Variants in CD8B observed in about 807,000 individuals in gnomAD.
CD8B encodes the protein CD8 subunit beta.
A neutral mutation model predicts 24.2 loss-of-function variants in CD8B; 6 were observed. That is an observed-to-expected ratio of 0.25 (90% CI 0.14 to 0.49). The LOEUF is 0.49. Among genes scored for constraint, CD8B ranks in the 20% least tolerant of loss-of-function variants. CD8B has a pLI of 0.98. For missense variants in CD8B, 196 were observed against 271.3 expected, an observed-to-expected ratio of 0.72 and a Z score of 1.95; for synonymous variants, 84 against 108.3, an observed-to-expected ratio of 0.78 and a Z score of 1.39.
rs745986715 is a variant in CD8B at position 86,842,344 on chromosome 2, ACCACTT to A, written c.621-31_621-26del. 4.7e-5 allele frequency: 74 copies of A among 1,563,720 alleles called. No individual in the cohort carries two copies. In the African/African-American group the frequency reaches 9.6e-4, roughly 20 times the overall value. ...TCTGAAAACAACAGCAAGTTGTGAA[ACCACTT>A]ATTTTCAGGCAAACGATATTGAATT... is the stretch of plus-strand genomic sequence containing the variant. On this transcript the variant is annotated intron_variant, in intron 5 of 5. Coordinates refer to ENST00000390655, the MANE Select transcript of CD8B (RefSeq NM_004931.5).
chr2:86,847,626 C>T (rs1474717264), intron 3 of CD8B, among the ~76,000 whole-genome samples: 1 of 152,164 alleles, frequency 6.6e-6, no homozygotes, highest in African/African-American at 2.4e-5. Context: ...AGTGCAGTGG[C>T]GCAATCTTGG....
At chr2:86,850,205 G>A (rs562341630) in intron 3 of CD8B, among the ~76,000 whole-genome samples, 1 of 152,172 alleles carries the variant, frequency 6.6e-6, no homozygotes, top group South Asian at 2.1e-4. Flanking sequence ...AACGTGCTTG[G>A]GTAAGGGGCC....
intron 5 of CD8B, among the ~76,000 whole-genome samples, chr2:86,831,829 C>T (rs1674915368): frequency 6.6e-6 from 1 of 152,098 alleles, no homozygotes; most frequent in South Asian, 2.1e-4. Flanking sequence ...AAATTAAAGA[C>T]TAGGGGCTGG....
downstream of CD8B, among the ~76,000 whole-genome samples, chr2:86,836,994 A>G (rs1454326326): frequency 6.6e-6 from 1 of 152,174 alleles, no homozygotes; most frequent in African/African-American, 2.4e-5. Context: ...CATCTCTACC[A>G]GAAATATAAA....
intron 5 of CD8B, 114 bp downstream of exon 5, chr2:86,844,808 G>A (rs1573513000): frequency 1.4e-5 from 22 of 1,544,864 alleles, no homozygotes; most frequent in South Asian, 7.2e-5. Context: ...ATGCCCGGCC[G>A]AGTCTATGAT....
intron 5 of CD8B, among the ~76,000 whole-genome samples, chr2:86,828,095 G>C (rs1003838093): frequency 2.0e-5 from 3 of 152,154 alleles, no homozygotes; most frequent in African/African-American, 7.2e-5. Flanking sequence ...AAAATGGCAA[G>C]AGTACGTACT....
At chr2:86,854,266 G>C (rs1676120651) in intron 2 of CD8B, among the ~76,000 whole-genome samples, 1 of 152,104 alleles carries the variant, frequency 6.6e-6, no homozygotes, top group African/African-American at 2.4e-5. Context: ...GGCACAACGA[G>C]CCCCTCCGCC....
chr2:86,833,100 TC>T (rs1245193102), intron 5 of CD8B: 1 of 310,458 alleles, frequency 3.2e-6, no homozygotes, highest in Non-Finnish European at 6.4e-6. Flanking sequence ...GAAGATGCTT[TC>T]CTGTGTTACA....
At chr2:86,822,357 A>T in intron 5 of CD8B, 1 of 1,587,784 alleles carries the variant, frequency 6.3e-7, no homozygotes, top group Non-Finnish European at 8.6e-7. Context: ...ACATTTCTCC[A>T]GTGGATGTAA....
At chr2:86,825,212 G>T (rs936015390) in intron 5 of CD8B, among the ~76,000 whole-genome samples, 2 of 152,172 alleles carry the variant, frequency 1.3e-5, no homozygotes, top group African/African-American at 4.8e-5. Flanking sequence ...TGCTGCTGGG[G>T]TTGGAGAGGG....
chr2:86,851,090 CAAAAAA>C (rs111384074), intron 3 of CD8B, among the ~76,000 whole-genome samples: 3 of 106,776 alleles, frequency 2.8e-5, no homozygotes, highest in Admixed American at 9.7e-5. Context: ...GACTCCATTT[CAAAAAA>C]AAAAAAAAAG....
chr2:86,845,094 A>C, intron 4 of CD8B, 136 bp from the exon 5 acceptor site: 1 of 1,227,198 alleles, frequency 8.1e-7, no homozygotes, highest in South Asian at 1.6e-5. Context: ...TGGCCCAAAC[A>C]CTTTACACAT....
At chr2:86,819,939 A>G (rs1558746463) in intron 5 of CD8B, among the ~76,000 whole-genome samples, 2 of 152,220 alleles carry the variant, frequency 1.3e-5, no homozygotes. Flanking sequence ...GGTGATTCCA[A>G]TTCTCCTGGA....
Position 86,841,932 on chromosome 2 carries a change from A to G in CD8B, c.*375T>C, listed in dbSNP as rs147480229. The G allele has an allele frequency of 3.2e-3, 3,264 of 1,012,200 alleles. 79 individuals are homozygous for G. The African/African-American group carries it at 0.052, about 16-fold the overall frequency. 62.7% of individuals were successfully genotyped at this position (1,012,200 alleles called of 1,614,324 possible). A position where few individuals can be genotyped will look rare whatever the true frequency, so the allele number is the denominator to read the frequency against. ...CACCCCATGAAAGACCCAGGACCCA[A>G]TGTTACTGCCCTACCAGGGCAAAGC... On this transcript the variant is annotated 3_prime_UTR_variant, in exon 6 of 6. Transcript: ENST00000390655.
rs1275821372 is a variant in CD8B, at chr2:86,840,780, G to C, written c.*1527C>G. Among the ~76,000 whole-genome samples, 1 of 152,020 alleles carries C rather than the reference G, an allele frequency of 6.6e-6. No individual in the cohort carries two copies. The highest frequency in any genetic ancestry group is 2.1e-4 in the South Asian group (1 of 4,826). On this transcript the variant is annotated 3_prime_UTR_variant, in exon 6 of 6. Coordinates refer to ENST00000390655, the MANE Select transcript of CD8B (RefSeq NM_004931.5). The stretch of plus-strand genomic sequence containing the variant: ...AACTTACACTCAAGGCCCTCCTTCC[G>C]GTAACACTGCATCTATGCCTTTCTA...
In CD8B at chr2:86,840,423, A is replaced by G. The variant is rs566114659; in HGVS notation, c.*1884T>C. Among the ~76,000 whole-genome samples, 173 of 152,340 alleles carry G rather than the reference A, an allele frequency of 1.1e-3. 1 individual carries two copies. Among genetic ancestry groups the G allele is most frequent in the African/African-American group, 3.8e-3 (160 of 41,578 alleles). On this transcript the variant is annotated 3_prime_UTR_variant, in exon 6 of 6. Transcript: ENST00000390655. ...CCTACAACCCTCCCCCTTCCACTGC[A>G]TCTCAGATGGAAAGGGAGACGGCCC...
At chr2:86,830,779 T>C (rs770825446) in intron 5 of CD8B, among the ~76,000 whole-genome samples, 2 of 152,152 alleles carry the variant, frequency 1.3e-5, no homozygotes, top group Non-Finnish European at 2.9e-5. Flanking sequence ...AGCACTCTTA[T>C]CTATCTGAAA....
intron 5 of CD8B, among the ~76,000 whole-genome samples, chr2:86,828,903 T>G (rs1018110929): frequency 6.6e-6 from 1 of 151,690 alleles, no homozygotes; most frequent in Non-Finnish European, 1.5e-5. Context: ...TCATTATATC[T>G]TCTCCATATA....
chr2:86,853,869 C>G (rs1422314343), intron 2 of CD8B, among the ~76,000 whole-genome samples: 1 of 151,698 alleles, frequency 6.6e-6, no homozygotes, highest in Non-Finnish European at 1.5e-5. Context: ...CTGCATTCGT[C>G]GTGCCACTGC....
Sources: allele counts gnomAD v4.1 joint callset (sites outside exome capture counted in the v4.1 genomes callset), GRCh38; gene constraint gnomAD v4.1.1; transcripts MANE v1.5; gene names NCBI Gene and HGNC (gene_info 2026-07-23, HGNC 2026-07-21).